PTPRD: variants seen among roughly 807,000 people sequenced by gnomAD.
PTPRD encodes protein tyrosine phosphatase receptor type D.
In PTPRD, 34 loss-of-function variants were observed where a neutral mutation model predicts 214.5. That is an observed-to-expected ratio of 0.16 (90% CI 0.12 to 0.21). The LOEUF (loss-of-function observed/expected upper bound fraction) is 0.21. PTPRD is among the 10% of genes least tolerant of loss of function. The probability of loss-of-function intolerance (pLI) is 1.00; values close to 1 mark genes in which losing one functional copy is unlikely to be tolerated. For missense variants in PTPRD, 2,545 were observed against 2,398.7 expected, an observed-to-expected ratio of 1.06 and a Z score of -1.27; for synonymous variants, 1,128 against 845.7, an observed-to-expected ratio of 1.33 and a Z score of -5.79.
chr9:9,521,407 A>C (rs1319270966), intron 8 of PTPRD, among the ~76,000 whole-genome samples: 2 of 152,090 alleles, frequency 1.3e-5, no homozygotes, highest in Non-Finnish European at 2.9e-5. Flanking sequence ...TCCCAATCAT[A>C]AGGACTCTAA....
intron 39 of PTPRD, among the ~76,000 whole-genome samples, chr9:8,355,443 G>C (rs528872729): frequency 6.6e-6 from 1 of 151,168 alleles, no homozygotes; most frequent in African/African-American, 2.4e-5. Flanking sequence ...CTTTTAGTTC[G>C]AGTGGTATGC....
At chr9:9,349,216 T>A (rs776436619) in intron 9 of PTPRD, among the ~76,000 whole-genome samples, 14 of 152,258 alleles carry the variant, frequency 9.2e-5, no homozygotes, top group Middle Eastern at 3.4e-3. Flanking sequence ...TGCTAGGTGT[T>A]AAATTCTGAG....
intron 3 of PTPRD, among the ~76,000 whole-genome samples, chr9:10,224,851 T>C (rs1345365822): frequency 6.6e-6 from 1 of 152,058 alleles, no homozygotes; most frequent in Non-Finnish European, 1.5e-5. Context: ...AAATACATTT[T>C]CTATTCCTTA....
intron 5 of PTPRD, among the ~76,000 whole-genome samples, chr9:9,936,569 T>G (rs13291568): frequency 0.015 from 1,923 of 130,278 alleles, 15 homozygotes; most frequent in African/African-American, 0.043. Flanking sequence ...AAAAAGTCAG[T>G]AAACAACAGG....
At chr9:8,617,342 T>G (rs781027710) in intron 14 of PTPRD, among the ~76,000 whole-genome samples, 5 of 152,132 alleles carry the variant, frequency 3.3e-5, no homozygotes, top group Non-Finnish European at 7.4e-5. Context: ...GAGAGGCAGC[T>G]GAGATTTGTG....
chr9:9,201,298 A>G lies in PTPRD; in HGVS notation c.-202-17935T>C, dbSNP rs566998704. Among the ~76,000 whole-genome samples the G allele has an allele frequency of 2.6e-5, 4 of 152,048 alleles. No individual in the cohort carries two copies. In the South Asian group the frequency reaches 8.3e-4, roughly 32 times the overall value. On this transcript the variant is annotated intron_variant, in intron 9 of 45. Coordinates refer to ENST00000381196, the MANE Select transcript of PTPRD (RefSeq NM_002839.4). ...ACAGGAAGTTAAGAAATATAAATAA[A>G]CTCTTGTGTTTGCATTTTGGTGGCA... is the stretch of plus-strand genomic sequence containing the variant.
intron 14 of PTPRD, among the ~76,000 whole-genome samples, chr9:8,611,980 AG>A (rs1388138491): frequency 2.4e-5 from 2 of 83,448 alleles, no homozygotes; most frequent in Non-Finnish European, 2.4e-5. Context: ...AGGGGAGGGG[AG>A]GGGAGGGGAG....
chr9:9,227,097 AT>A, intron 9 of PTPRD, among the ~76,000 whole-genome samples: 1 of 152,192 alleles, frequency 6.6e-6, no homozygotes, highest in East Asian at 1.9e-4. Context: ...TAATATCAAA[AT>A]TTTACAGGAA....
intron 11 of PTPRD, among the ~76,000 whole-genome samples, chr9:8,883,075 C>A (rs764941318): frequency 6.6e-6 from 1 of 152,040 alleles, no homozygotes; most frequent in Non-Finnish European, 1.5e-5. Flanking sequence ...CTGTCAAATG[C>A]CTTAATAATA....
rs980321100 is a variant in PTPRD at position 8,369,691 on chromosome 9, A to C, written c.4661+6245T>G. On this transcript the variant is annotated intron_variant, in intron 39 of 45. Coordinates refer to ENST00000381196, the MANE Select transcript of PTPRD (RefSeq NM_002839.4). ...CCCTTTTCAATTTTTTTCATAAATA[A>C]ATGTTTCTCTTATGAATAGAAAGTC... Among the ~76,000 whole-genome samples the C allele has an allele frequency of 7.9e-5, 12 of 152,090 alleles. 1 individual carries two copies. Among genetic ancestry groups the C allele is most frequent in the Non-Finnish European group, 1.3e-4 (9 of 67,944 alleles).
chr9:9,062,389 G>A (rs765740161), intron 10 of PTPRD, among the ~76,000 whole-genome samples: 8 of 152,076 alleles, frequency 5.3e-5, no homozygotes, highest in South Asian at 4.2e-4. Flanking sequence ...CATACCTTGT[G>A]GCTGATGGAA....
intron 3 of PTPRD, among the ~76,000 whole-genome samples, chr9:10,228,795 AT>A (rs2099597948): frequency 6.7e-6 from 1 of 150,022 alleles, no homozygotes; most frequent in Non-Finnish European, 1.5e-5. Context: ...AAAATTATAT[AT>A]TATTTATATG....
intron 9 of PTPRD, among the ~76,000 whole-genome samples, chr9:9,250,187 C>T (rs1255288661): frequency 6.6e-6 from 1 of 152,046 alleles, no homozygotes; most frequent in Non-Finnish European, 1.5e-5. Flanking sequence ...CTTATAGAAG[C>T]TCCAGAGCAC....
intron 2 of PTPRD, among the ~76,000 whole-genome samples, chr9:10,383,232 T>G (rs1296453358): frequency 6.6e-6 from 1 of 151,924 alleles, no homozygotes; most frequent in East Asian, 1.9e-4. Context: ...CAAACATTCT[T>G]ATCAGATAAA....
chr9:10,282,965 A>G (rs1421521494), intron 3 of PTPRD, among the ~76,000 whole-genome samples: 1 of 152,142 alleles, frequency 6.6e-6, no homozygotes. Flanking sequence ...CAATTTGTTC[A>G]TAATCAAATT....
chr9:8,851,352 T>G (rs936997151), intron 11 of PTPRD, among the ~76,000 whole-genome samples: 5 of 152,224 alleles, frequency 3.3e-5, no homozygotes, highest in African/African-American at 1.2e-4. Flanking sequence ...TCTTTGTGCA[T>G]TCTAGGTAAA....
intron 14 of PTPRD, among the ~76,000 whole-genome samples, chr9:8,590,478 C>T (rs2094013350): frequency 6.6e-6 from 1 of 152,112 alleles, no homozygotes; most frequent in African/African-American, 2.4e-5. Context: ...GTCTCTTTCA[C>T]TTATGGGTGA....
intron 8 of PTPRD, among the ~76,000 whole-genome samples, chr9:9,520,486 C>T (rs2096942331): frequency 6.6e-6 from 1 of 151,960 alleles, no homozygotes; most frequent in East Asian, 1.9e-4. Flanking sequence ...TACACATTCC[C>T]ATGCATTTGT....
At chr9:9,716,384 G>A (rs1036504499) in intron 7 of PTPRD, among the ~76,000 whole-genome samples, 15 of 151,636 alleles carry the variant, frequency 9.9e-5, no homozygotes, top group Non-Finnish European at 1.5e-5. Flanking sequence ...TGGGATGGCT[G>A]GGTCAAATGG....
Sources: allele counts gnomAD v4.1 joint callset (sites outside exome capture counted in the v4.1 genomes callset), GRCh38; gene constraint gnomAD v4.1.1; transcripts MANE v1.5; gene names NCBI Gene and HGNC (gene_info 2026-07-23, HGNC 2026-07-21).